Variants in MICAL2 observed in about 807,000 individuals in gnomAD.
MICAL2 encodes the protein microtubule associated monooxygenase, calponin and LIM domain containing 2.
MICAL2 carries 77 observed loss-of-function variants against 127.3 expected under a neutral mutation model. The ratio of observed to expected loss-of-function variants is 0.60; its 90% confidence interval spans 0.50 to 0.73. MICAL2 has a LOEUF of 0.73. MICAL2 is among the 30% of genes least tolerant of loss of function. The pLI is 0.00. For synonymous variants in MICAL2, 570 were observed against 551.1 expected (o/e 1.03, Z -0.48); for missense variants, 1,351 against 1,434.4 (o/e 0.94, Z 0.94).
chr11:12,204,241 C>A lies in MICAL2; in HGVS notation c.265-9C>A, dbSNP rs763023619. On this transcript the variant is annotated splice_polypyrimidine_tract_variant and intron_variant, in intron 3 of 27. Transcript: ENST00000683283. ...TACCAAGAGTCTCTCTCCTCTCTCA[C>A]CTCTGCAGTGTCTCATAGTTGGGGG... The A allele has an allele frequency of 6.2e-7, 1 of 1,613,672 alleles. No individual in the cohort carries two copies. Among genetic ancestry groups the A allele is most frequent in the Non-Finnish European group, 8.5e-7 (1 of 1,179,638 alleles).
chr11:12,142,489 C>T (rs948048437), intron 2 of MICAL2, among the ~76,000 whole-genome samples: 14 of 152,260 alleles, frequency 9.2e-5, no homozygotes, highest in Non-Finnish European at 1.0e-4. Flanking sequence ...TGAGAACCTC[C>T]AGCAAAGGGC....
At position 12,334,451 on chromosome 11, in the gene MICAL2, T is replaced by A. The variant is rs545974805; in HGVS notation, c.5515+7185T>A. ...CAGAATATTTTCTTTTCTTTTTTTT[T>A]AATTTTATTATTATTATACTTTAAG... On this transcript the variant is annotated intron_variant, in intron 32 of 34. Coordinates refer to the MICAL2 transcript ENST00000646065. 9.9e-5 allele frequency among the ~76,000 whole-genome samples: 15 copies of A among 152,248 alleles called. No homozygotes were observed. In the East Asian group the frequency reaches 1.5e-3, roughly 16 times the overall value.
At chr11:12,200,684 C>T (rs534997236) in intron 3 of MICAL2, among the ~76,000 whole-genome samples, 14 of 152,304 alleles carry the variant, frequency 9.2e-5, no homozygotes, top group Admixed American at 2.0e-4. Context: ...ATTTCAGGCC[C>T]GAAATATGTA....
At position 12,223,610 on chromosome 11, in the gene MICAL2, C is replaced by T. The variant is rs1055534309; in HGVS notation, c.1540+109C>T. 3 of 938,542 alleles carry T rather than the reference C, an allele frequency of 3.2e-6. No individual in the cohort carries two copies. The African/African-American group carries it at 4.8e-5, about 15-fold the overall frequency. 58.1% of individuals were successfully genotyped at this position (938,542 alleles called of 1,614,324 possible). On this transcript the variant is annotated intron_variant, in intron 12 of 27. Transcript: ENST00000683283. Reference sequence around the variant, plus strand: ...GGCACTGCAACCAGCCTGGCTCTGCCCCTTTACCTGTGTGGTCATGGGCAG... The same window carrying T: ...GGCACTGCAACCAGCCTGGCTCTGCTCCTTTACCTGTGTGGTCATGGGCAG...
intron 2 of MICAL2, among the ~76,000 whole-genome samples, chr11:12,141,070 C>T (rs1444543986): frequency 6.6e-6 from 1 of 152,172 alleles, no homozygotes; most frequent in African/African-American, 2.4e-5. Flanking sequence ...CTCCGGGAGG[C>T]AGTTATCAAA....
At chr11:12,287,060 C>A in intron 2 of MICAL2, 1 of 398,968 alleles carries the variant, frequency 2.5e-6, no homozygotes, top group East Asian at 3.6e-5. Flanking sequence ...CCCACCCCAT[C>A]TTCCCTGTCC....
At chr11:12,240,650 C>A (rs567222131) in intron 17 of MICAL2, among the ~76,000 whole-genome samples, 1 of 152,234 alleles carries the variant, frequency 6.6e-6, no homozygotes, top group East Asian at 1.9e-4. Flanking sequence ...AGCACCGGAG[C>A]GTCCCTGTCC....
intron 1 of MICAL2, among the ~76,000 whole-genome samples, chr11:12,123,687 A>G (rs1248816953): frequency 6.6e-6 from 1 of 152,144 alleles, no homozygotes; most frequent in Admixed American, 6.5e-5. Context: ...CTGCTTTCAG[A>G]CATTTTATAA....
chr11:12,220,440 G>A lies in MICAL2; in HGVS notation c.1188G>A (p.Val396=). ...CGCACCAGCTGCTCGTGGCCCTTGT[G>A]GGTGACAGCTTGCTTGAGGTACTGC... ...RQAHQLLVAL[V]GDSLLEPFWP... The change falls in exon 9 of 28, where the codon GTG becomes GTA. Residue 396 remains valine, a synonymous_variant. Coordinates refer to ENST00000683283, the MANE Select transcript of MICAL2 (RefSeq NM_001282663.2). The A allele has an allele frequency of 6.2e-7, 1 of 1,610,214 alleles. No homozygotes were observed.
intron 3 of MICAL2, among the ~76,000 whole-genome samples, chr11:12,201,172 G>T (rs1001164907): frequency 6.6e-6 from 1 of 152,122 alleles, no homozygotes; most frequent in Non-Finnish European, 1.5e-5. Flanking sequence ...GAGGAAGCAC[G>T]TGGGCTTGCA....
intron 1 of MICAL2, among the ~76,000 whole-genome samples, chr11:12,133,364 G>T (rs895871494): frequency 2.0e-5 from 3 of 152,192 alleles, no homozygotes; most frequent in Non-Finnish European, 4.4e-5. Context: ...TTACAGGTGT[G>T]AGCCACTGTG....
intron 2 of MICAL2, among the ~76,000 whole-genome samples, chr11:12,144,684 C>T (rs1286179576): frequency 6.6e-6 from 1 of 152,250 alleles, no homozygotes; most frequent in African/African-American, 2.4e-5. Context: ...AACCTCAATG[C>T]TCGTGCACCT....
intron 3 of MICAL2, among the ~76,000 whole-genome samples, chr11:12,173,770 TG>T (rs1473826183): frequency 3.3e-5 from 5 of 152,238 alleles, no homozygotes; most frequent in Non-Finnish European, 5.9e-5. Flanking sequence ...TAATATTTCA[TG>T]TAAGTGGAAT....
chr11:12,136,105 C>T (rs1851811104), intron 1 of MICAL2, among the ~76,000 whole-genome samples: 1 of 152,074 alleles, frequency 6.6e-6, no homozygotes, highest in Admixed American at 6.5e-5. Context: ...TGTCATGTCC[C>T]ACTCAATCTC....
At position 12,327,348 on chromosome 11, in the gene MICAL2, G is replaced by T. The variant is rs888571243; in HGVS notation, c.5515+82G>T. On this transcript the variant is annotated intron_variant, in intron 32 of 34. Transcript: ENST00000646065. ...TAACCATCTGAGGAAAACAGACCTT[G>T]TCACCTGCTGGAGATCTGTCAGCAT... 2.0e-5 allele frequency: 23 copies of T among 1,161,774 alleles called. No homozygotes were observed. In the Admixed American group the frequency reaches 3.8e-4, roughly 19 times the overall value. 72.0% of individuals were successfully genotyped at this position (1,161,774 alleles called of 1,614,324 possible).
At chr11:12,359,299 T>A (rs1939175466), downstream of MICAL2, among the ~76,000 whole-genome samples, 1 of 151,260 alleles carries the variant, frequency 6.6e-6, no homozygotes, top group African/African-American at 2.4e-5. Context: ...AAATGAATGA[T>A]TTTAAAGTAC....
At chr11:12,273,738 C>T, upstream of MICAL2, among the ~76,000 whole-genome samples, 1 of 152,156 alleles carries the variant, frequency 6.6e-6, no homozygotes, top group South Asian at 2.1e-4. Context: ...TAAGGGTTGG[C>T]TGGAATACTG....
At position 12,155,362 on chromosome 11, in the gene MICAL2, T is replaced by C. The variant is rs114354163; in HGVS notation, c.-77-6717T>C. ...TACATGTACATACACATGCTACATA[T>C]ACATGTGTATTTGCGCACACATGAA... On this transcript the variant is annotated intron_variant, in intron 2 of 27. Coordinates refer to ENST00000683283, the MANE Select transcript of MICAL2 (RefSeq NM_001282663.2). Among the ~76,000 whole-genome samples the C allele has an allele frequency of 6.1e-3, 928 of 152,324 alleles. 13 individuals are homozygous for C. Among genetic ancestry groups the C allele is most frequent in the African/African-American group, 0.021 (875 of 41,560 alleles).
rs567445957 is a variant in MICAL2 at position 12,319,917 on chromosome 11, G to C, written c.5328+106G>C. 1.8e-5 allele frequency: 14 copies of C among 785,144 alleles called. No individual in the cohort carries two copies. In the East Asian group the frequency reaches 3.5e-4, roughly 20 times the overall value. 48.6% of individuals were successfully genotyped at this position (785,144 alleles called of 1,614,324 possible). A position where few individuals can be genotyped will look rare whatever the true frequency, so the allele number is the denominator to read the frequency against. On this transcript the variant is annotated intron_variant, in intron 30 of 34. Transcript: ENST00000646065. Reference sequence around the variant, plus strand: ...CCAGCTGCAGTGGTTTCCTTAGGAGGATCATGTTTCATTGCATCTGACAGA... The same window carrying C: ...CCAGCTGCAGTGGTTTCCTTAGGAGCATCATGTTTCATTGCATCTGACAGA...
Sources: allele counts gnomAD v4.1 joint callset (sites outside exome capture counted in the v4.1 genomes callset), GRCh38; gene constraint gnomAD v4.1.1; transcripts MANE v1.5; gene names NCBI Gene and HGNC (gene_info 2026-07-23, HGNC 2026-07-21).